Variants in BTBD9 observed in about 807,000 individuals in gnomAD.
BTBD9 encodes BTB/POZ domain-containing protein 9.
BTBD9 carries 49 observed loss-of-function variants against 64.3 expected under a neutral mutation model. The observed-to-expected ratio is 0.76, with a 90% CI of 0.61 to 0.97. The LOEUF (loss-of-function observed/expected upper bound fraction) is 0.97. Ranked by LOEUF, BTBD9 falls within the 50% of genes least tolerant of loss-of-function variation. The probability of loss-of-function intolerance (pLI) is 0.00; values close to 1 mark genes in which losing one functional copy is unlikely to be tolerated. For missense variants in BTBD9, 598 were observed against 762.1 expected (o/e 0.78, Z 2.53); for synonymous variants, 260 against 274.7 (o/e 0.95, Z 0.53).
intron 7 of BTBD9, among the ~76,000 whole-genome samples, chr6:38,325,055 T>C (rs1763368821): frequency 6.6e-6 from 1 of 152,192 alleles, no homozygotes. Context: ...AATAATATAT[T>C]TGTAATTATT....
chr6:38,587,322 C>A, intron 4 of BTBD9: 1 of 435,782 alleles, frequency 2.3e-6, no homozygotes, highest in South Asian at 2.0e-5. Context: ...TGGAGTCCAC[C>A]ATGAACAGAC....
chr6:38,268,396 C>G (rs997033171), intron 8 of BTBD9, among the ~76,000 whole-genome samples: 8 of 152,238 alleles, frequency 5.3e-5, no homozygotes, highest in African/African-American at 1.9e-4. Context: ...GGAGAACTCA[C>G]AATTTAGCTA....
intron 6 of BTBD9, among the ~76,000 whole-genome samples, chr6:38,512,258 C>T (rs577568371): frequency 2.0e-5 from 3 of 152,324 alleles, no homozygotes; most frequent in South Asian, 2.1e-4. Context: ...CAGGCGTGAA[C>T]CACCATGCCC....
chr6:38,489,625 A>G (rs1480360375), intron 6 of BTBD9, among the ~76,000 whole-genome samples: 2 of 152,250 alleles, frequency 1.3e-5, no homozygotes, highest in African/African-American at 4.8e-5. Flanking sequence ...GGACCAGCTT[A>G]TAGAAAGAAT....
intron 7 of BTBD9, 84 bp downstream of exon 7, chr6:38,344,900 G>T: frequency 1.1e-6 from 1 of 895,638 alleles, no homozygotes; most frequent in Non-Finnish European, 1.7e-6. Context: ...CCTTAGAACT[G>T]ATTAAGATAA....
chr6:38,181,363 A>G (rs1157421084), intron 10 of BTBD9, among the ~76,000 whole-genome samples: 1 of 152,174 alleles, frequency 6.6e-6, no homozygotes, highest in East Asian at 1.9e-4. Flanking sequence ...TATAAAATAG[A>G]TATCTACCTC....
intron 6 of BTBD9, among the ~76,000 whole-genome samples, chr6:38,510,935 T>C (rs939611512): frequency 4.6e-5 from 7 of 152,192 alleles, no homozygotes; most frequent in African/African-American, 1.7e-4. Flanking sequence ...TTAAATTTTT[T>C]TTCATAAGTA....
rs1766610907 is a variant in BTBD9 at position 38,168,493 on chromosome 6, T to C, written c.*6492A>G. ...CTTTATTTCTAAGAGAAAACCTGCATTTTCACACACATGGACTCAGGGGTT... is the reference window on the plus strand; with the variant it reads ...CTTTATTTCTAAGAGAAAACCTGCACTTTCACACACATGGACTCAGGGGTT... On this transcript the variant is annotated 3_prime_UTR_variant, in exon 11 of 11. Coordinates refer to ENST00000481247, the MANE Select transcript of BTBD9 (RefSeq NM_001099272.2). 1 of 151,368 alleles carries C rather than the reference T, an allele frequency of 6.6e-6. No homozygotes were observed. Among genetic ancestry groups the C allele is most frequent in the Non-Finnish European group, 1.5e-5 (1 of 68,044 alleles). The allele number at this position is 151,368 out of a possible 1,614,324, so 9.4% of individuals were successfully genotyped here. A position where few individuals can be genotyped will look rare whatever the true frequency, so the allele number is the denominator to read the frequency against.
At chr6:38,555,932 A>G (rs565034838) in intron 6 of BTBD9, among the ~76,000 whole-genome samples, 3 of 152,360 alleles carry the variant, frequency 2.0e-5, no homozygotes, top group African/African-American at 4.8e-5. Flanking sequence ...GTAAAACACT[A>G]TAACTAATGG....
chr6:38,365,088 A>G lies in BTBD9; in HGVS notation c.1155-19995T>C, dbSNP rs1285212730. ...GAGGCAATGTTGAATGGTTTGTAAT[A>G]ATATATTATAATATTTATGACAAGT... On this transcript the variant is annotated intron_variant, in intron 6 of 10. Coordinates refer to ENST00000481247, the MANE Select transcript of BTBD9 (RefSeq NM_001099272.2). Among the ~76,000 whole-genome samples, 2 of 152,058 alleles carry G rather than the reference A, an allele frequency of 1.3e-5. 1 individual carries two copies.
At chr6:38,413,534 T>A (rs931256624) in intron 6 of BTBD9, among the ~76,000 whole-genome samples, 1 of 152,242 alleles carries the variant, frequency 6.6e-6, no homozygotes, top group Non-Finnish European at 1.5e-5. Context: ...GCTTATTTTT[T>A]AACCAATTAA....
chr6:38,352,589 A>G (rs1341453458), intron 6 of BTBD9, among the ~76,000 whole-genome samples: 1 of 152,198 alleles, frequency 6.6e-6, no homozygotes, highest in Non-Finnish European at 1.5e-5. Flanking sequence ...TAGATAATAC[A>G]AATGGGGTAA....
intron 7 of BTBD9, among the ~76,000 whole-genome samples, chr6:38,335,747 T>TA (rs1160282075): frequency 1.3e-5 from 2 of 152,030 alleles, no homozygotes; most frequent in African/African-American, 4.8e-5. Context: ...TTTATTTATT[T>TA]TTTTGAGATG....
intron 8 of BTBD9, among the ~76,000 whole-genome samples, chr6:38,259,042 T>G (rs527932401): frequency 6.6e-6 from 1 of 152,342 alleles, no homozygotes; most frequent in South Asian, 2.1e-4. Context: ...GCACTATTAT[T>G]ATGAAATTAC....
intron 9 of BTBD9, among the ~76,000 whole-genome samples, chr6:38,195,916 G>C (rs1258087711): frequency 6.6e-6 from 1 of 152,214 alleles, no homozygotes; most frequent in Non-Finnish European, 1.5e-5. Flanking sequence ...GTTTACTTTG[G>C]TGCTTTTCTG....
At chr6:38,396,734 T>C (rs887941751) in intron 6 of BTBD9, among the ~76,000 whole-genome samples, 1 of 152,184 alleles carries the variant, frequency 6.6e-6, no homozygotes, top group African/African-American at 2.4e-5. Context: ...TAAATTAAGA[T>C]GAGCTGTAAG....
At chr6:38,343,628 T>TA (rs1476924866) in intron 7 of BTBD9, among the ~76,000 whole-genome samples, 17 of 152,278 alleles carry the variant, frequency 1.1e-4, no homozygotes, top group Admixed American at 9.8e-4. Flanking sequence ...CCTATAGAAT[T>TA]AAAAAACAAT....
At chr6:38,263,818 C>A (rs1255078080) in intron 8 of BTBD9, among the ~76,000 whole-genome samples, 1 of 152,158 alleles carries the variant, frequency 6.6e-6, no homozygotes, top group Non-Finnish European at 1.5e-5. Flanking sequence ...AATAAAGTTA[C>A]CATTTGCGGC....
intron 6 of BTBD9, among the ~76,000 whole-genome samples, chr6:38,526,737 T>C (rs1355423464): frequency 1.3e-5 from 2 of 152,372 alleles, no homozygotes; most frequent in East Asian, 3.9e-4. Context: ...TGGACTTGCA[T>C]GAGGCCTGTA....
Sources: allele counts gnomAD v4.1 joint callset (sites outside exome capture counted in the v4.1 genomes callset), GRCh38; gene constraint gnomAD v4.1.1; transcripts MANE v1.5; gene names NCBI Gene and HGNC (gene_info 2026-07-23, HGNC 2026-07-21).